Variants in LIMCH1 observed in about 807,000 individuals in gnomAD.
LIMCH1 encodes LIM and calponin homology domains-containing protein 1.
A neutral mutation model predicts 176.5 loss-of-function variants in LIMCH1; 113 were observed. The observed-to-expected ratio is 0.64, with a 90% CI of 0.55 to 0.75. The LOEUF (loss-of-function observed/expected upper bound fraction) is 0.75, where lower values mean the gene tolerates loss of function less well. LIMCH1 is among the 30% of genes least tolerant of loss of function. LIMCH1 has a pLI of 0.00. For synonymous variants in LIMCH1, 619 were observed against 645.9 expected (o/e 0.96, Z 0.63); for missense variants, 1,674 against 1,814.9 (o/e 0.92, Z 1.41).
At position 41,633,793 on chromosome 4, in the gene LIMCH1, C is replaced by A. The variant is rs1471923191; in HGVS notation, c.2075C>A (p.Pro692His). The A allele has an allele frequency of 6.5e-7, 1 of 1,536,110 alleles. No homozygotes were observed. The highest frequency in any genetic ancestry group is 1.2e-5 in the South Asian group (1 of 84,054). The change falls in exon 13 of 32, where the codon CCC (proline) becomes CAC (histidine). Residue 692 changes from proline (P) to histidine (H), a missense_variant. Transcript: ENST00000503057. ...GTGGAAGAATCTTCTAAAGGTCTAC[C>A]CATGAAAGATCAGAGGTCAGAAAGT... ...QDVEESSKGL[P>H]MKDQRYGPRT...
chr4:41,633,838 T>C, intron 13 of LIMCH1, 30 bp downstream of exon 13: 1 of 1,529,146 alleles, frequency 6.5e-7, no homozygotes, highest in Non-Finnish European at 8.8e-7. Flanking sequence ...CCCTTGTGAC[T>C]TTGTTTCTCC....
At chr4:41,591,284 C>G (rs762843988) in intron 1 of LIMCH1, among the ~76,000 whole-genome samples, 4 of 151,902 alleles carry the variant, frequency 2.6e-5, no homozygotes, top group Non-Finnish European at 5.9e-5. Context: ...CTTTGTTACC[C>G]AGGCTGAAGT....
In LIMCH1 at chr4:41,692,311, T is replaced by G. The variant is rs761480407; in HGVS notation, c.4305T>G (p.Asp1435Glu). ...RCGICKGQLG[D>E]AVSGTDVRIR... is the part of the protein sequence containing the mutation. ...GAATTTGTAAAGGCCAGCTTGGAGA[T>G]GCAGTGAGTGGGACGGATGTTAGGA... The change falls in exon 31 of 32, where the codon GAT becomes GAG. Residue 1435 changes from aspartate to glutamate, a missense_variant. Asp to Glu is a conservative substitution (Grantham distance 45). This residue lies in a region of LIMCH1 where 1,015 missense variants were observed against 1,102.5 expected (regional missense o/e 0.92). Transcript: ENST00000503057. 6 of 1,613,258 alleles carry G rather than the reference T, an allele frequency of 3.7e-6. 1 individual carries two copies. Among genetic ancestry groups the G allele is most frequent in the African/African-American group, 1.3e-5 (1 of 75,024 alleles).
rs2094073760 is a variant in LIMCH1, at chr4:41,646,670, A to G, written c.2597A>G (p.Asn866Ser). The change falls in exon 17 of 32, where the codon AAT becomes AGT. Residue 866 changes from asparagine to serine, a missense_variant. This residue lies in a region of LIMCH1 where 1,015 missense variants were observed against 1,102.5 expected (regional missense o/e 0.92). Transcript: ENST00000503057. ...STEPNLSSFL[N>S]DPNPMKYLRQ... ...GAGCCAAATTTATCCTCCTTCCTGA[A>G]TGACCCCAATCCCATGAAATACCTG... The G allele has an allele frequency of 6.2e-7, 1 of 1,614,106 alleles. No homozygotes were observed. Among genetic ancestry groups the G allele is most frequent in the African/African-American group, 1.3e-5 (1 of 74,924 alleles).
chr4:41,661,935 T>C (rs1200079142), intron 19 of LIMCH1: 2 of 415,126 alleles, frequency 4.8e-6, no homozygotes, highest in Non-Finnish European at 9.3e-6. Context: ...GTGCCATGAA[T>C]CTGGACAGTG....
At chr4:41,608,678 T>C (rs2091044995) in intron 4 of LIMCH1, among the ~76,000 whole-genome samples, 1 of 152,144 alleles carries the variant, frequency 6.6e-6, no homozygotes, top group Non-Finnish European at 1.5e-5. Context: ...GCTGTATTTT[T>C]TTTTAAAGGA....
upstream of LIMCH1, among the ~76,000 whole-genome samples, chr4:41,360,026 G>GGTGTGTGTGTGTGTGT (rs35179191): frequency 4.6e-3 from 671 of 145,850 alleles, 4 homozygotes; most frequent in African/African-American, 0.013. This position sits in a 1 kb window ranked among gnomAD's most constrained non-coding sequence, Gnocchi z 4.5. Flanking sequence ...GGGTGTGTAG[G>GGTGTGTGTGTGTGTGT]GTGTGTGTGT....
chr4:41,459,850 A>G lies in LIMCH1; in HGVS notation c.97-34686A>G, dbSNP rs1475290618. Among the ~76,000 whole-genome samples, 4 of 152,290 alleles carry G rather than the reference A, an allele frequency of 2.6e-5. No individual in the cohort carries two copies. In the East Asian group the frequency reaches 7.7e-4, roughly 29 times the overall value. ...GCAGTAAGAGCTGCAATGTGGAGGA[A>G]GGTGCTGACCAGGGAAAGCTAGAGC... On this transcript the variant is annotated intron_variant, in intron 1 of 26. Transcript: ENST00000313860.
chr4:41,630,203 T>C (rs1006469517), intron 9 of LIMCH1, among the ~76,000 whole-genome samples: 1 of 152,152 alleles, frequency 6.6e-6, no homozygotes, highest in African/African-American at 2.4e-5. Flanking sequence ...GGGGCTCAAG[T>C]GATCCTTCCA....
upstream of LIMCH1, among the ~76,000 whole-genome samples, chr4:41,533,352 G>C (rs974872766): frequency 4.6e-5 from 7 of 152,200 alleles, no homozygotes; most frequent in African/African-American, 1.7e-4. Flanking sequence ...AGGAGGAAGG[G>C]ATCTCTGGGA....
intron 1 of LIMCH1, among the ~76,000 whole-genome samples, chr4:41,454,132 TC>T (rs2154148538): frequency 6.6e-6 from 1 of 152,192 alleles, no homozygotes; most frequent in African/African-American, 2.4e-5. Flanking sequence ...CCACATTCTC[TC>T]CCGTAAGTGC....
intron 1 of LIMCH1, among the ~76,000 whole-genome samples, chr4:41,548,575 C>T (rs142608945): frequency 9.6e-4 from 146 of 152,256 alleles, no homozygotes; most frequent in African/African-American, 3.3e-3. Flanking sequence ...TTCCCCAAGT[C>T]ATTCTTATTT....
At chr4:41,544,137 C>A (rs780494532) in intron 1 of LIMCH1, among the ~76,000 whole-genome samples, 1 of 151,668 alleles carries the variant, frequency 6.6e-6, no homozygotes, top group African/African-American at 2.4e-5. Flanking sequence ...GGATGCTTTA[C>A]GTGTTATGCT....
intron 2 of LIMCH1, among the ~76,000 whole-genome samples, chr4:41,510,840 C>T (rs760499687): frequency 2.0e-5 from 3 of 152,130 alleles, no homozygotes; most frequent in Non-Finnish European, 2.9e-5. Context: ...CCGCCCACCT[C>T]GGCCTCCCAA....
chr4:41,413,951 G>A (rs13118219), intron 1 of LIMCH1, among the ~76,000 whole-genome samples: 5,812 of 152,186 alleles, frequency 0.038, 134 homozygotes, highest in Middle Eastern at 0.051. Flanking sequence ...GACCTTAAAG[G>A]GGGGCAGGGG....
chr4:41,588,107 C>T (rs2086811524), intron 1 of LIMCH1, among the ~76,000 whole-genome samples: 1 of 151,840 alleles, frequency 6.6e-6, no homozygotes, highest in African/African-American at 2.4e-5. Context: ...CACAACAGTC[C>T]CTAGAGTGTG....
chr4:41,483,944 G>T (rs566783499), intron 1 of LIMCH1, among the ~76,000 whole-genome samples: 33 of 152,284 alleles, frequency 2.2e-4, no homozygotes, highest in Non-Finnish European at 4.3e-4. Context: ...TCCAGGCTCT[G>T]TTTTTTACTA....
chr4:41,454,213 C>T (rs575153403), intron 1 of LIMCH1, among the ~76,000 whole-genome samples: 20 of 152,232 alleles, frequency 1.3e-4, no homozygotes, highest in Admixed American at 1.2e-3. Flanking sequence ...TTATCCACTG[C>T]TACAATGTAA....
chr4:41,539,710 C>G (rs1285467767), intron 1 of LIMCH1, among the ~76,000 whole-genome samples: 1 of 152,172 alleles, frequency 6.6e-6, no homozygotes, highest in African/African-American at 2.4e-5. Flanking sequence ...GGAGTCCCAA[C>G]TAATGCTGAG....
Sources: gnomAD v4.1 joint callset for allele counts (sites outside exome capture counted in the v4.1 genomes callset) on GRCh38, gnomAD v4.1.1 for gene constraint, gnomAD v4.1.1 regional missense constraint, Gnocchi (gnomAD v3.1) non-coding constraint, MANE v1.5 for transcripts, NCBI Gene and HGNC (gene_info 2026-07-23, HGNC 2026-07-21) for gene names.